The following RGS17 variants were observed in gnomAD, a reference collection of about 807,000 sequenced individuals.
The protein encoded by RGS17 is regulator of G protein signaling 17, also known as regulator of G-protein signaling 17.
Under a neutral mutation model 25.5 loss-of-function variants are expected in RGS17, and 12 were observed. That is an observed-to-expected ratio of 0.47 (90% CI 0.30 to 0.76). RGS17 has a LOEUF of 0.76. Among genes scored for constraint, RGS17 ranks in the 30% least tolerant of loss-of-function variants. RGS17 has a pLI of 0.07. For synonymous variants in RGS17, 71 were observed against 76.9 expected (o/e 0.92, Z 0.40); for missense variants, 196 against 242.2 (o/e 0.81, Z 1.27).
At chr6:153,128,898 T>C (rs1418647174) in intron 1 of RGS17, among the ~76,000 whole-genome samples, 1 of 152,176 alleles carries the variant, frequency 6.6e-6, no homozygotes, top group Non-Finnish European at 1.5e-5. Flanking sequence ...TCCTTGTTAA[T>C]TCCCTTCCGT....
intron 1 of RGS17, among the ~76,000 whole-genome samples, chr6:153,074,080 A>G (rs934090877): frequency 1.3e-5 from 2 of 152,216 alleles, no homozygotes; most frequent in African/African-American, 4.8e-5. Context: ...CTATTAAGAC[A>G]AGTATTTCAT....
intron 1 of RGS17, among the ~76,000 whole-genome samples, chr6:153,107,248 G>T (rs547115408): frequency 1.2e-4 from 18 of 151,942 alleles, no homozygotes; most frequent in African/African-American, 4.1e-4. Context: ...CAGGAGAATC[G>T]CTTGAACCCG....
In RGS17 at chr6:153,130,742, GC is replaced by G. The variant is rs1380839368; in HGVS notation, c.-26+381del. 6.6e-6 allele frequency among the ~76,000 whole-genome samples: 1 copy of G among 152,054 alleles called. No homozygotes were observed. The highest frequency in any genetic ancestry group is 2.4e-5 in the African/African-American group (1 of 41,426). ...CCCCGCGGGGTCTCCCGCGCCCCTG[GC>G]CCGGCCCTCCCGGCCGCCCCCAGCA... On this transcript the variant is annotated intron_variant, in intron 1 of 4. Coordinates refer to ENST00000206262, the MANE Select transcript of RGS17 (RefSeq NM_012419.5). This position sits in a 1 kb window ranked among gnomAD's most constrained non-coding sequence, Gnocchi z 6.4.
rs544249603 is a variant in RGS17 at position 153,065,382 on chromosome 6, T to C, written c.-25-21339A>G. On this transcript the variant is annotated intron_variant, in intron 1 of 4. Transcript: ENST00000206262. The stretch of plus-strand genomic sequence containing the variant: ...AGACTTCAACACTCCACTTTCAGCA[T>C]TGGATAAGTCTTCCAGACAGAAAGT... 1.9e-3 allele frequency among the ~76,000 whole-genome samples: 284 copies of C among 152,328 alleles called. 2 individuals are homozygous for C. The highest frequency in any genetic ancestry group is 1.2e-3 in the Non-Finnish European group (82 of 68,022).
intron 3 of RGS17, among the ~76,000 whole-genome samples, 174 bp from the exon 4 acceptor site, chr6:153,024,670 A>C (rs1584121949): frequency 6.6e-6 from 1 of 152,246 alleles, no homozygotes; most frequent in Non-Finnish European, 1.5e-5. Flanking sequence ...GGACTACGTC[A>C]GTTATTTCAG....
At chr6:153,063,910 T>C (rs1363367382) in intron 1 of RGS17, among the ~76,000 whole-genome samples, 1 of 151,970 alleles carries the variant, frequency 6.6e-6, no homozygotes, top group Non-Finnish European at 1.5e-5. Flanking sequence ...TCAGTGGAAA[T>C]GTTACAGGCC....
At chr6:153,014,416 T>C (rs941712342) in intron 4 of RGS17, among the ~76,000 whole-genome samples, 2 of 152,132 alleles carry the variant, frequency 1.3e-5, no homozygotes, top group South Asian at 2.1e-4. Flanking sequence ...ACGAGGAAAT[T>C]AGTATTGTTT....
At chr6:153,064,215 T>TAA (rs1776676372) in intron 1 of RGS17, among the ~76,000 whole-genome samples, 1 of 152,220 alleles carries the variant, frequency 6.6e-6, no homozygotes, top group Non-Finnish European at 1.5e-5. Flanking sequence ...AACTGTGGTA[T>TAA]GTAAACTACT....
chr6:153,069,127 C>T (rs1379805319), intron 1 of RGS17, among the ~76,000 whole-genome samples: 1 of 152,190 alleles, frequency 6.6e-6, no homozygotes, highest in Non-Finnish European at 1.5e-5. Flanking sequence ...GAAAGGAAAT[C>T]AGCATATTGA....
At chr6:153,044,719 A>G (rs1584131615) in intron 1 of RGS17, among the ~76,000 whole-genome samples, 1 of 152,338 alleles carries the variant, frequency 6.6e-6, no homozygotes, top group African/African-American at 2.4e-5. Flanking sequence ...AATAAAAGTC[A>G]TCAAATTCAG....
At chr6:153,123,551 A>C (rs1777667219) in intron 1 of RGS17, among the ~76,000 whole-genome samples, 1 of 152,186 alleles carries the variant, frequency 6.6e-6, no homozygotes, top group Non-Finnish European at 1.5e-5. Flanking sequence ...CTAGATTTAG[A>C]AATTGCCCTA....
rs1338241375 is a variant in RGS17 at position 153,007,188 on chromosome 6, C to T, written c.*4386G>A. 1.3e-5 allele frequency: 2 copies of T among 152,150 alleles called. No individual in the cohort carries two copies. Among genetic ancestry groups the T allele is most frequent in the Admixed American group, 6.5e-5 (1 of 15,286 alleles). 9.4% of individuals were successfully genotyped at this position (152,150 alleles called of 1,614,324 possible). On this transcript the variant is annotated 3_prime_UTR_variant, in exon 5 of 5. Transcript: ENST00000206262. Reference sequence around the variant, plus strand: ...CAAATCTGGGTATTCAGAAATAATACTTGTCATTGTGCACCATCTTGTGTT... The same window carrying T: ...CAAATCTGGGTATTCAGAAATAATATTTGTCATTGTGCACCATCTTGTGTT...
intron 1 of RGS17, among the ~76,000 whole-genome samples, chr6:153,092,190 A>G (rs1348311579): frequency 6.6e-6 from 1 of 152,158 alleles, no homozygotes; most frequent in African/African-American, 2.4e-5. Context: ...ACCCACCTAC[A>G]CAAGTCCTGT....
chr6:153,078,542 C>T lies in RGS17; in HGVS notation c.-25-34499G>A, dbSNP rs543969195. 3.0e-4 allele frequency among the ~76,000 whole-genome samples: 45 copies of T among 151,646 alleles called. 1 individual carries two copies. The highest frequency in any genetic ancestry group is 5.0e-4 in the Non-Finnish European group (34 of 67,920). ...AAATACAATAGGGTTTATAATGACA[C>T]ATAAGAAACAATATAAACTTACAAA... On this transcript the variant is annotated intron_variant, in intron 1 of 4. Transcript: ENST00000206262.
At chr6:153,095,054 T>C (rs1452048508) in intron 1 of RGS17, among the ~76,000 whole-genome samples, 1 of 152,142 alleles carries the variant, frequency 6.6e-6, no homozygotes, top group Non-Finnish European at 1.5e-5. Flanking sequence ...GAGTTTAATA[T>C]GGTTGGCTTG....
chr6:153,065,821 C>A (rs879580806), intron 1 of RGS17, among the ~76,000 whole-genome samples: 5 of 151,956 alleles, frequency 3.3e-5, no homozygotes, highest in Non-Finnish European at 7.4e-5. Flanking sequence ...GTGCCTACAT[C>A]AACAAAGAAG....
At chr6:153,075,645 G>C (rs1489294606) in intron 1 of RGS17, among the ~76,000 whole-genome samples, 3 of 152,124 alleles carry the variant, frequency 2.0e-5, no homozygotes, top group Admixed American at 6.6e-5. Context: ...ATGGTTAGTA[G>C]AGCCTAAGAA....
rs142961489 is a variant in RGS17 at position 153,089,114 on chromosome 6, T to C, written c.-26+42010A>G. On this transcript the variant is annotated intron_variant, in intron 1 of 4. Transcript: ENST00000206262. ...GCTTTTTTTCTTATAGTGTGTCTTT[T>C]AGGGACGCTTCAAAGTCTCTGATCA... Among the ~76,000 whole-genome samples the C allele has an allele frequency of 5.9e-3, 898 of 152,232 alleles. 13 individuals are homozygous for C. Among genetic ancestry groups the C allele is most frequent in the African/African-American group, 0.021 (859 of 41,534 alleles).
chr6:153,094,266 A>G (rs1231626450), intron 1 of RGS17, among the ~76,000 whole-genome samples: 3 of 151,674 alleles, frequency 2.0e-5, no homozygotes. Context: ...TTTAGCAGAG[A>G]TGGGGTTTTG....
Sources: gnomAD v4.1 joint callset for allele counts (sites outside exome capture counted in the v4.1 genomes callset) on GRCh38, gnomAD v4.1.1 for gene constraint, Gnocchi (gnomAD v3.1) non-coding constraint, MANE v1.5 for transcripts, NCBI Gene and HGNC (gene_info 2026-07-23, HGNC 2026-07-21) for gene names.